The following CDK14 variants were observed in gnomAD, a reference collection of about 807,000 sequenced individuals.
The protein encoded by CDK14 is cyclin dependent kinase 14, also known as cyclin-dependent kinase 14.
Under a neutral mutation model 60.7 loss-of-function variants are expected in CDK14, and 34 were observed. That is an observed-to-expected ratio of 0.56 (90% CI 0.43 to 0.75). The LOEUF (loss-of-function observed/expected upper bound fraction) is 0.75. Ranked by LOEUF, CDK14 falls within the 30% of genes least tolerant of loss-of-function variation. CDK14 has a pLI of 0.00. For synonymous variants in CDK14, 197 were observed against 203.7 expected (o/e 0.97, Z 0.28); for missense variants, 482 against 564.1 (o/e 0.85, Z 1.47).
At chr7:90,764,835 C>G (rs1463454034) in intron 4 of CDK14, among the ~76,000 whole-genome samples, 1 of 152,164 alleles carries the variant, frequency 6.6e-6, no homozygotes, top group East Asian at 1.9e-4. Context: ...TTAACTATCT[C>G]TGTTTTCAGG....
chr7:91,028,888 C>T (rs765651861), intron 10 of CDK14, among the ~76,000 whole-genome samples: 7 of 151,794 alleles, frequency 4.6e-5, no homozygotes, highest in African/African-American at 1.5e-4. Context: ...TCTCCCATTC[C>T]GTAGGTTGTC....
chr7:90,666,022 C>T (rs978398082), intron 2 of CDK14, among the ~76,000 whole-genome samples: 11 of 152,136 alleles, frequency 7.2e-5, no homozygotes, highest in Non-Finnish European at 1.6e-4. Flanking sequence ...ACTCAGTAGC[C>T]CAGCAGAGTT....
intron 2 of CDK14, among the ~76,000 whole-genome samples, chr7:90,668,699 CTTTTTTTTTT>C (rs59773768): frequency 0.018 from 1,554 of 87,516 alleles, 18 homozygotes; most frequent in Middle Eastern, 0.037. Context: ...GACTCGCATT[CTTTTTTTTTT>C]TTTTTTTTTT....
intron 12 of CDK14, among the ~76,000 whole-genome samples, chr7:91,082,434 C>T (rs1305706802): frequency 6.6e-6 from 1 of 152,158 alleles, no homozygotes; most frequent in Non-Finnish European, 1.5e-5. Flanking sequence ...TGTTCCCACA[C>T]ATGTTATGGT....
rs75279997 is a variant in CDK14 at position 91,047,670 on chromosome 7, G to A, written c.1105+1710G>A. ...CACATAATGCATAGAAGGTAATGGG[G>A]AAACAGAAAAGTAACATATGAAGAT... On this transcript the variant is annotated intron_variant, in intron 11 of 14. Transcript: ENST00000380050. Among the ~76,000 whole-genome samples, 65 of 152,314 alleles carry A rather than the reference G, an allele frequency of 4.3e-4. No homozygotes were observed. The East Asian group carries it at 0.01, about 24-fold the overall frequency.
chr7:91,069,586 C>T (rs953592038), intron 11 of CDK14, among the ~76,000 whole-genome samples: 6 of 151,846 alleles, frequency 4.0e-5, no homozygotes, highest in African/African-American at 1.5e-4. Context: ...AAAAAGGACA[C>T]CAACCATTAT....
chr7:91,145,525 T>C (rs43013), intron 14 of CDK14, among the ~76,000 whole-genome samples: 52,119 of 152,064 alleles, frequency 0.34, 10,930 homozygotes, highest in Non-Finnish European at 0.48. Flanking sequence ...CCCTTCTCCC[T>C]CAAATTGGGT....
At position 90,632,438 on chromosome 7, in the gene CDK14, C is replaced by T. The variant is rs1368536892; in HGVS notation, c.123+28189C>T. ...TTGGCAGTGGTTATCATGGGTGTGG[C>T]GCTGCAAGATGCCAACCTATATGGT... On this transcript the variant is annotated intron_variant, in intron 2 of 14. Coordinates refer to ENST00000380050, the MANE Select transcript of CDK14 (RefSeq NM_001287135.2). The T allele has an allele frequency of 4.1e-5, 9 of 218,804 alleles. No individual in the cohort carries two copies. In the South Asian group the frequency reaches 5.7e-4, roughly 14 times the overall value. 13.6% of individuals were successfully genotyped at this position (218,804 alleles called of 1,614,324 possible).
chr7:90,932,592 T>G (rs1367564953), intron 8 of CDK14, among the ~76,000 whole-genome samples: 1 of 152,218 alleles, frequency 6.6e-6, no homozygotes, highest in African/African-American at 2.4e-5. Flanking sequence ...AATTTTGGAC[T>G]CTGTGGAACA....
At chr7:91,189,051 C>T (rs774819286) in intron 14 of CDK14, among the ~76,000 whole-genome samples, 1 of 152,024 alleles carries the variant, frequency 6.6e-6, no homozygotes, top group African/African-American at 2.4e-5. Context: ...TTTTCCTCTT[C>T]GTCATTTTAC....
intron 10 of CDK14, among the ~76,000 whole-genome samples, chr7:90,992,346 A>G (rs1264680134): frequency 6.6e-6 from 1 of 152,234 alleles, no homozygotes; most frequent in Non-Finnish European, 1.5e-5. Flanking sequence ...TATAAAATGG[A>G]AAATGAGAAC....
At chr7:90,786,803 C>T (rs779551976) in intron 4 of CDK14, among the ~76,000 whole-genome samples, 8 of 150,690 alleles carry the variant, frequency 5.3e-5, no homozygotes, top group African/African-American at 2.0e-4. Flanking sequence ...TCTGTAGTCT[C>T]AGCTACTCTG....
chr7:90,846,801 C>T (rs546669434), intron 5 of CDK14, among the ~76,000 whole-genome samples: 2 of 152,150 alleles, frequency 1.3e-5, no homozygotes, highest in Non-Finnish European at 2.9e-5. Context: ...ACCAAAGTGG[C>T]CCCCAGCATC....
chr7:90,667,925 A>T (rs1357658060), intron 2 of CDK14, among the ~76,000 whole-genome samples: 1 of 152,152 alleles, frequency 6.6e-6, no homozygotes, highest in African/African-American at 2.4e-5. Context: ...CATTTTGTTT[A>T]TCCATCCATT....
rs553753591 is a variant in CDK14 at position 90,793,354 on chromosome 7, G to A, written c.544+2702G>A. 4.9e-4 allele frequency among the ~76,000 whole-genome samples: 74 copies of A among 152,312 alleles called. No individual in the cohort carries two copies. In the Middle Eastern group the frequency reaches 0.01, roughly 21 times the overall value. On this transcript the variant is annotated intron_variant, in intron 5 of 14. Coordinates refer to ENST00000380050, the MANE Select transcript of CDK14 (RefSeq NM_001287135.2). Reference sequence around the variant, plus strand: ...TATTAATGCCAAATTATTTATAAAAGATTTTGAAATCTAAAAGATTGTGAA... The same window carrying A: ...TATTAATGCCAAATTATTTATAAAAAATTTTGAAATCTAAAAGATTGTGAA...
intron 4 of CDK14, among the ~76,000 whole-genome samples, chr7:90,778,209 C>G (rs1195431605): frequency 6.6e-6 from 1 of 152,198 alleles, no homozygotes; most frequent in Non-Finnish European, 1.5e-5. Flanking sequence ...ACTCTTGATA[C>G]ATTTTGTCTA....
intron 9 of CDK14, among the ~76,000 whole-genome samples, chr7:90,957,066 A>G (rs1022859607): frequency 6.7e-5 from 10 of 150,092 alleles, no homozygotes; most frequent in African/African-American, 2.2e-4. Context: ...ATAATGCCGC[A>G]ATAAACATAC....
intron 2 of CDK14, among the ~76,000 whole-genome samples, chr7:90,663,222 T>A (rs1800899630): frequency 6.6e-6 from 1 of 152,142 alleles, no homozygotes; most frequent in Non-Finnish European, 1.5e-5. Flanking sequence ...TACACTTCAC[T>A]TCATGTGTAT....
intron 4 of CDK14, among the ~76,000 whole-genome samples, chr7:90,751,597 A>C (rs546512141): frequency 6.6e-6 from 1 of 152,230 alleles, no homozygotes; most frequent in African/African-American, 2.4e-5. Flanking sequence ...AGATTCTGTA[A>C]AGGCACTATA....
Sources: gnomAD v4.1 joint callset for allele counts (sites outside exome capture counted in the v4.1 genomes callset) on GRCh38, gnomAD v4.1.1 for gene constraint, MANE v1.5 for transcripts, NCBI Gene and HGNC (gene_info 2026-07-23, HGNC 2026-07-21) for gene names.